Variants in GIT1 observed in about 807,000 individuals in gnomAD.
GIT1 encodes ARF GTPase-activating protein GIT1.
GIT1 carries 14 observed loss-of-function variants against 91.7 expected under a neutral mutation model. The observed-to-expected ratio is 0.15, with a 90% CI of 0.10 to 0.24. GIT1 has a LOEUF of 0.24. Among genes scored for constraint, GIT1 ranks in the 10% least tolerant of loss-of-function variants. GIT1 has a pLI of 1.00. For synonymous variants in GIT1, 414 were observed against 418.2 expected (o/e 0.99, Z 0.12); for missense variants, 717 against 1,024.9 (o/e 0.70, Z 4.10).
Position 29,575,237 on chromosome 17 carries a change from C to T in GIT1, c.2009+51G>A, listed in dbSNP as rs1458958944. 2 of 1,577,904 alleles carry T rather than the reference C, an allele frequency of 1.3e-6. No homozygotes were observed. Among genetic ancestry groups the T allele is most frequent in the South Asian group, 2.3e-5 (2 of 86,738 alleles). Reference sequence around the variant, plus strand: ...GGCCCCTCATGCTCTCTGCAACACCCTAGAAGCCAACAGGAACTGCATCCC... The same window carrying T: ...GGCCCCTCATGCTCTCTGCAACACCTTAGAAGCCAACAGGAACTGCATCCC... On this transcript the variant is annotated intron_variant, in intron 18 of 19. Transcript: ENST00000225394. This position sits in a 1 kb window ranked among gnomAD's most constrained non-coding sequence, Gnocchi z 5.5.
chr17:29,577,884 G>A (rs2033269169), intron 9 of GIT1, 142 bp from the exon 10 acceptor site: 15 of 638,798 alleles, frequency 2.3e-5, no homozygotes, highest in South Asian at 8.8e-5. Flanking sequence ...CTTTGGGCAC[G>A]CAGAGCTAGG....
Position 29,574,698 on chromosome 17 carries a change from G to C in GIT1, c.*4C>G, listed in dbSNP as rs1372246200. On this transcript the variant is annotated 3_prime_UTR_variant, in exon 20 of 20. Transcript: ENST00000225394. Reference sequence around the variant, plus strand: ...GGGTGCAGGTGAGGGTGTGGGGAGAGAGGTCACTGCTTCTTCTCTCGGGTG... The same window carrying C: ...GGGTGCAGGTGAGGGTGTGGGGAGACAGGTCACTGCTTCTTCTCTCGGGTG... 6.2e-7 allele frequency: 1 copy of C among 1,608,786 alleles called. No homozygotes were observed. Among genetic ancestry groups the C allele is most frequent in the South Asian group, 1.1e-5 (1 of 90,898 alleles).
Position 29,576,728 on chromosome 17 carries a change from C to T in GIT1, c.1228-54G>A, listed in dbSNP as rs55956743. The T allele has an allele frequency of 0.014, 23,266 of 1,605,940 alleles. 233 individuals carry two copies. Among genetic ancestry groups the T allele is most frequent in the Middle Eastern group, 0.059 (322 of 5,496 alleles). On this transcript the variant is annotated intron_variant, in intron 12 of 19. Transcript: ENST00000225394. The stretch of plus-strand genomic sequence containing the variant: ...ACCTGGGGGCAGGGAGGCCAACACC[C>T]GCAGGGGGCAGTTATTGAGGCTAGG...
chr17:29,583,644 G>A (rs367759972), intron 1 of GIT1, 28 bp from the exon 2 acceptor site: 50 of 1,551,580 alleles, frequency 3.2e-5, no homozygotes, highest in Admixed American at 7.7e-5. Flanking sequence ...AGGGTCAGCC[G>A]GAGCCAGATG....
chr17:29,576,735 G>A (rs896935495), intron 12 of GIT1, 61 bp from the exon 13 acceptor site: 2 of 1,602,244 alleles, frequency 1.2e-6, no homozygotes, highest in Non-Finnish European at 1.7e-6. Context: ...ACCCGCAGGG[G>A]GCAGTTATTG....
intron 7 of GIT1, 106 bp from the exon 8 acceptor site, chr17:29,578,885 A>C: frequency 6.4e-7 from 1 of 1,562,592 alleles, no homozygotes. Flanking sequence ...GGGAGATGGC[A>C]CCCCAGATGC....
Position 29,575,970 on chromosome 17 carries a change from G to A in GIT1, c.1666-72C>T. On this transcript the variant is annotated intron_variant, in intron 15 of 19. Transcript: ENST00000225394. This position sits in a 1 kb window ranked among gnomAD's most constrained non-coding sequence, Gnocchi z 5.5. The stretch of plus-strand genomic sequence containing the variant: ...CCCCTGCTCACCAGCAGTGCAGCAG[G>A]GACCAGGTCAGTCTAATCATCTTAA... 4 of 1,534,636 alleles carry A rather than the reference G, an allele frequency of 2.6e-6. No individual in the cohort carries two copies. Among genetic ancestry groups the A allele is most frequent in the Non-Finnish European group, 3.6e-6 (4 of 1,110,954 alleles).
chr17:29,574,913 C>T lies in GIT1; in HGVS notation c.2075G>A (p.Arg692Lys). ...VTEMASLFPK[R>K]PALEPVRSSL... Reference sequence around the variant, plus strand: ...GCTCCGCACTGGCTCCAGGGCTGGCCTCTGGAGGGGGCAGGAGTGAGGCTG... The same window carrying T: ...GCTCCGCACTGGCTCCAGGGCTGGCTTCTGGAGGGGGCAGGAGTGAGGCTG... The change falls in exon 20 of 20, where the codon AGG becomes AAG. Residue 692 changes from arginine to lysine, a missense_variant and splice_region_variant. Arg to Lys is a conservative substitution (Grantham distance 26). Around this residue, in one of 3 missense-constraint regions of GIT1, gnomAD observed 134 missense variants for 223.8 expected, o/e 0.60. Transcript: ENST00000225394. The T allele has an allele frequency of 6.4e-7, 1 of 1,561,450 alleles. No individual in the cohort carries two copies. Among genetic ancestry groups the T allele is most frequent in the Non-Finnish European group, 8.7e-7 (1 of 1,155,472 alleles).
Position 29,583,011 on chromosome 17 carries a change from C to T in GIT1, c.213G>A (p.Gly71=). ...LQMVHTLASN[G]ANSIWEHSLL... ...GGGAGTGCTCCCAGATGGAGTTGGC[C>T]CCGTTGCTGGCAAGCGTGTGCACCA... The change falls in exon 3 of 20, where the codon GGG becomes GGA. Residue 71 remains glycine (G), a synonymous_variant. Coordinates refer to ENST00000225394, the MANE Select transcript of GIT1 (RefSeq NM_014030.4). 2 of 1,611,276 alleles carry T rather than the reference C, an allele frequency of 1.2e-6. No homozygotes were observed. The highest frequency in any genetic ancestry group is 1.7e-6 in the Non-Finnish European group (2 of 1,179,516).
At chr17:29,586,173 C>A (rs1399973319) in intron 1 of GIT1, among the ~76,000 whole-genome samples, 1 of 152,148 alleles carries the variant, frequency 6.6e-6, no homozygotes, top group Non-Finnish European at 1.5e-5. Context: ...ACTTGGAAGC[C>A]CCCTAAGGTG....
intron 10 of GIT1, 46 bp downstream of exon 10, chr17:29,577,599 C>T (rs2278217): frequency 3.2e-5 from 39 of 1,230,568 alleles, no homozygotes; most frequent in African/African-American, 7.3e-5. Context: ...GGAGGGACCG[C>T]GGGGATGAAG....
chr17:29,577,583 G>T, intron 10 of GIT1, 62 bp downstream of exon 10: 1 of 1,083,124 alleles, frequency 9.2e-7, no homozygotes, highest in Non-Finnish European at 1.4e-6. Flanking sequence ...GCCCACTGCC[G>T]GATGAGGAGG....
At chr17:29,576,054 T>G (rs2033183228) in intron 15 of GIT1, 24 bp downstream of exon 15, 2 of 1,612,402 alleles carry the variant, frequency 1.2e-6, no homozygotes, top group African/African-American at 2.7e-5. Context: ...CTGGCTAAGA[T>G]GGACACGCCT....
intron 9 of GIT1, 143 bp downstream of exon 9, chr17:29,578,156 G>A (rs2033277694): frequency 1.4e-6 from 1 of 716,414 alleles, no homozygotes; most frequent in Admixed American, 2.1e-5. Flanking sequence ...TGCCCAGGCA[G>A]GCTCACAGCC....
chr17:29,575,969 G>C lies in GIT1; in HGVS notation c.1666-71C>G. On this transcript the variant is annotated intron_variant, in intron 15 of 19. Transcript: ENST00000225394. This position sits in a 1 kb window ranked among gnomAD's most constrained non-coding sequence, Gnocchi z 5.5. ...CCCCCTGCTCACCAGCAGTGCAGCAGGGACCAGGTCAGTCTAATCATCTTA... is the reference window on the plus strand; with the variant it reads ...CCCCCTGCTCACCAGCAGTGCAGCACGGACCAGGTCAGTCTAATCATCTTA... 2.0e-6 allele frequency: 3 copies of C among 1,536,532 alleles called. No homozygotes were observed. The South Asian group carries it at 3.4e-5, about 17-fold the overall frequency.
chr17:29,579,105 C>A, intron 7 of GIT1: 4 of 858,396 alleles, frequency 4.7e-6, no homozygotes, highest in South Asian at 4.3e-5. Context: ...GCACACCCGG[C>A]CCAGAAGGGA....
At chr17:29,587,514 TC>T (rs1343733923) in intron 1 of GIT1, among the ~76,000 whole-genome samples, 4 of 152,066 alleles carry the variant, frequency 2.6e-5, no homozygotes, top group Non-Finnish European at 5.9e-5. Context: ...AGCTGGGCAA[TC>T]CAACACATCT....
At position 29,575,470 on chromosome 17, in the gene GIT1, C is replaced by T. The variant is rs36109144; in HGVS notation, c.1827G>A (p.Gly609=). 2 of 1,600,046 alleles carry T rather than the reference C, an allele frequency of 1.2e-6. No homozygotes were observed. The highest frequency in any genetic ancestry group is 1.7e-6 in the Non-Finnish European group (2 of 1,173,334). ...ENTQSGDPLL[G]LEGKRFLELG... ...GCTCTAGAAACCTCTTCCCTTCCAG[C>T]CTGAGGCCCAGGTCCAGAAAACAGA... Residue 609 remains glycine (G), a splice_region_variant and synonymous_variant, in exon 18 of 20, where the codon GGG becomes GGA. Transcript: ENST00000225394. The surrounding 1 kb of genome is among the most constrained non-coding windows in gnomAD (Gnocchi z 5.5).
intron 1 of GIT1, among the ~76,000 whole-genome samples, chr17:29,584,861 G>A (rs1019063128): frequency 3.3e-5 from 5 of 152,058 alleles, no homozygotes; most frequent in Admixed American, 6.5e-5. Flanking sequence ...AGGAGACTCT[G>A]AGTCAGGGGC....
Sources: gnomAD v4.1 joint callset for allele counts (sites outside exome capture counted in the v4.1 genomes callset) on GRCh38, gnomAD v4.1.1 for gene constraint, gnomAD v4.1.1 regional missense constraint, Gnocchi (gnomAD v3.1) non-coding constraint, MANE v1.5 for transcripts, NCBI Gene and HGNC (gene_info 2026-07-23, HGNC 2026-07-21) for gene names.